PTPRD: variants seen among roughly 807,000 people sequenced by gnomAD.
PTPRD encodes protein tyrosine phosphatase receptor type D.
PTPRD carries 34 observed loss-of-function variants against 214.5 expected under a neutral mutation model. That is an observed-to-expected ratio of 0.16 (90% CI 0.12 to 0.21). The LOEUF is 0.21. Among genes scored for constraint, PTPRD ranks in the 10% least tolerant of loss-of-function variants. PTPRD has a pLI of 1.00. For missense variants in PTPRD, 2,545 were observed against 2,398.7 expected, an observed-to-expected ratio of 1.06 and a Z score of -1.27; for synonymous variants, 1,128 against 845.7, an observed-to-expected ratio of 1.33 and a Z score of -5.79.
chr9:9,394,118 A>AAAG (rs2066880345), intron 9 of PTPRD, among the ~76,000 whole-genome samples: 1 of 152,194 alleles, frequency 6.6e-6, no homozygotes, highest in Non-Finnish European at 1.5e-5. Flanking sequence ...GATGTAATAA[A>AAAG]AATAAGTTAT....
chr9:10,340,385 C>T (rs1335871691), intron 3 of PTPRD, among the ~76,000 whole-genome samples: 2 of 151,850 alleles, frequency 1.3e-5, no homozygotes, highest in Non-Finnish European at 2.9e-5. Context: ...CTCTTAGCAC[C>T]TTGAACTATG....
chr9:8,874,312 C>A (rs1201043491), intron 11 of PTPRD, among the ~76,000 whole-genome samples: 2 of 152,176 alleles, frequency 1.3e-5, no homozygotes, highest in Non-Finnish European at 2.9e-5. Context: ...CCAGGACATT[C>A]TTTGTTCCTC....
At chr9:10,197,258 G>A (rs1420338504) in intron 3 of PTPRD, among the ~76,000 whole-genome samples, 1 of 151,876 alleles carries the variant, frequency 6.6e-6, no homozygotes. Flanking sequence ...CTTTTACTTT[G>A]GATAAGACAG....
At chr9:8,832,110 G>A (rs1458257522) in intron 11 of PTPRD, among the ~76,000 whole-genome samples, 18 of 117,892 alleles carry the variant, frequency 1.5e-4, no homozygotes, top group African/African-American at 6.0e-4. Flanking sequence ...GTATATGTGT[G>A]TGTGTGTGTG....
At chr9:8,339,130 C>CTAAT in intron 42 of PTPRD, 83 bp from the exon 43 acceptor site, 1 of 1,328,222 alleles carries the variant, frequency 7.5e-7, no homozygotes, top group South Asian at 1.9e-5. Flanking sequence ...TCTAATCTAT[C>CTAAT]TAATTTCCTT....
intron 5 of PTPRD, among the ~76,000 whole-genome samples, chr9:9,859,780 T>G (rs2062319872): frequency 6.6e-6 from 1 of 152,218 alleles, no homozygotes; most frequent in African/African-American, 2.4e-5. Context: ...TACGGTATCC[T>G]TACCAAAGTA....
At chr9:10,564,782 A>C (rs1211590747) in intron 2 of PTPRD, among the ~76,000 whole-genome samples, 1 of 152,182 alleles carries the variant, frequency 6.6e-6, no homozygotes, top group African/African-American at 2.4e-5. Context: ...CATTTGAAAC[A>C]CCTAGAATAG....
At chr9:10,398,654 C>G (rs1343040998) in intron 2 of PTPRD, among the ~76,000 whole-genome samples, 1 of 151,934 alleles carries the variant, frequency 6.6e-6, no homozygotes, top group Non-Finnish European at 1.5e-5. Context: ...ATATTTCCAA[C>G]TAACTTCACC....
Position 8,510,882 on chromosome 9 carries a change from A to T in PTPRD, c.1544-3448T>A, listed in dbSNP as rs185610415. 2.8e-3 allele frequency among the ~76,000 whole-genome samples: 433 copies of T among 152,248 alleles called. 4 individuals are homozygous for T. The highest frequency in any genetic ancestry group is 9.7e-3 in the African/African-American group (403 of 41,548). On this transcript the variant is annotated intron_variant, in intron 21 of 45. Coordinates refer to ENST00000381196, the MANE Select transcript of PTPRD (RefSeq NM_002839.4). Reference sequence around the variant, plus strand: ...CTAATGAGCATAATATATGTATATAAGAAAACACTTTGTTTTCTCTGGAAC... The same window carrying T: ...CTAATGAGCATAATATATGTATATATGAAAACACTTTGTTTTCTCTGGAAC...
chr9:10,106,662 G>A (rs1427901129), intron 3 of PTPRD, among the ~76,000 whole-genome samples: 2 of 151,698 alleles, frequency 1.3e-5, no homozygotes, highest in East Asian at 3.9e-4. Flanking sequence ...GAAGAATAGT[G>A]ACAAGAAATG....
intron 7 of PTPRD, among the ~76,000 whole-genome samples, chr9:9,621,621 G>C (rs1302563940): frequency 6.6e-6 from 1 of 152,100 alleles, no homozygotes; most frequent in Non-Finnish European, 1.5e-5. Flanking sequence ...ATCCCAAATA[G>C]GCATTACCCT....
At chr9:10,284,415 T>G (rs1037030403) in intron 3 of PTPRD, among the ~76,000 whole-genome samples, 9 of 152,184 alleles carry the variant, frequency 5.9e-5, no homozygotes, top group African/African-American at 2.2e-4. Context: ...TCAAGCATAG[T>G]AGAAAAACCA....
rs759874831 is a variant in PTPRD, at chr9:10,060,776, TTTTC to T, written c.-544-26990_-544-26987del. 6.3e-4 allele frequency among the ~76,000 whole-genome samples: 83 copies of T among 132,178 alleles called. 4 individuals are homozygous for T. Among genetic ancestry groups the T allele is most frequent in the Middle Eastern group, 3.5e-3 (1 of 288 alleles). The allele number at this position is 132,178 out of a possible 152,430, so 86.7% of individuals were successfully genotyped here. A position where few individuals can be genotyped will look rare whatever the true frequency, so the allele number is the denominator to read the frequency against. On this transcript the variant is annotated intron_variant, in intron 3 of 45. Coordinates refer to ENST00000381196, the MANE Select transcript of PTPRD (RefSeq NM_002839.4). The stretch of plus-strand genomic sequence containing the variant: ...TCAGCATACCAATCACAGGTCTTGC[TTTTC>T]TTTCTTTCTTTCTTTCTTTCTTCCT...
chr9:9,653,992 A>G (rs2096445721), intron 7 of PTPRD, among the ~76,000 whole-genome samples: 2 of 152,156 alleles, frequency 1.3e-5, no homozygotes, highest in African/African-American at 2.4e-5. Context: ...TACAGACTTC[A>G]CTTAGAATAT....
At chr9:10,160,758 T>C (rs1376138458) in intron 3 of PTPRD, among the ~76,000 whole-genome samples, 1 of 151,896 alleles carries the variant, frequency 6.6e-6, no homozygotes, top group African/African-American at 2.4e-5. Context: ...ACAAAGGGCA[T>C]CCAAATTGGG....
chr9:10,400,305 G>T (rs532507022), intron 2 of PTPRD, among the ~76,000 whole-genome samples: 33 of 151,550 alleles, frequency 2.2e-4, no homozygotes, highest in Non-Finnish European at 4.6e-4. Flanking sequence ...AATAAATGGG[G>T]TTAATTATTA....
chr9:9,567,829 T>G (rs1469429091), intron 8 of PTPRD, among the ~76,000 whole-genome samples: 1 of 151,974 alleles, frequency 6.6e-6, no homozygotes, highest in Non-Finnish European at 1.5e-5. Flanking sequence ...CCTTATAGGC[T>G]GGGGCATATG....
chr9:10,189,965 G>A (rs1346906769), intron 3 of PTPRD, among the ~76,000 whole-genome samples: 1 of 152,112 alleles, frequency 6.6e-6, no homozygotes, highest in Admixed American at 6.6e-5. Flanking sequence ...AGGAGGATCA[G>A]AAAATGGAGG....
At chr9:9,743,291 G>C (rs2098423206) in intron 6 of PTPRD, among the ~76,000 whole-genome samples, 1 of 152,122 alleles carries the variant, frequency 6.6e-6, no homozygotes, top group East Asian at 1.9e-4. Flanking sequence ...AAGAGGGCTG[G>C]AACCAAAATG....
Sources: allele counts gnomAD v4.1 joint callset (sites outside exome capture counted in the v4.1 genomes callset), GRCh38; gene constraint gnomAD v4.1.1; transcripts MANE v1.5; gene names NCBI Gene and HGNC (gene_info 2026-07-23, HGNC 2026-07-21).